The following ZNF678 variants were observed in gnomAD, a reference collection of about 807,000 sequenced individuals.
ZNF678 encodes hypothetical protein MGC42493.
In ZNF678, 5 loss-of-function variants were observed where a neutral mutation model predicts 3.0. The ratio of observed to expected loss-of-function variants is 1.69; its 90% CI spans 0.88 to 3.56. The LOEUF (loss-of-function observed/expected upper bound fraction) is 3.56. Ranked by LOEUF, ZNF678 falls within the 30% of genes most tolerant of loss-of-function variation. ZNF678 has a pLI of 0.00. For missense variants in ZNF678, 593 were observed against 605.0 expected (o/e 0.98, Z 0.21); for synonymous variants, 218 against 199.6 (o/e 1.09, Z -0.78).
chr1:227,595,275 C>G (rs1283783747), intron 1 of ZNF678, among the ~76,000 whole-genome samples: 1 of 151,552 alleles, frequency 6.6e-6, no homozygotes, highest in African/African-American at 2.4e-5. Context: ...CTCTGTCTCT[C>G]TCTCTCTCTC....
chr1:227,567,434 A>C (rs1045066750), intron 1 of ZNF678, among the ~76,000 whole-genome samples: 5 of 152,182 alleles, frequency 3.3e-5, no homozygotes, highest in African/African-American at 1.2e-4. Context: ...AGGTCATTGA[A>C]GGCCCGGTTC....
intron 1 of ZNF678, among the ~76,000 whole-genome samples, chr1:227,580,108 C>T (rs1000238808): frequency 6.6e-6 from 1 of 152,146 alleles, no homozygotes; most frequent in Non-Finnish European, 1.5e-5. Context: ...ACTTGTTCTC[C>T]TGGAGCTATT....
At chr1:227,577,068 A>G (rs1228491556) in intron 1 of ZNF678, among the ~76,000 whole-genome samples, 1 of 152,098 alleles carries the variant, frequency 6.6e-6, no homozygotes, top group African/African-American at 2.4e-5. Context: ...TGAATTTCTT[A>G]GTCTTGATTT....
intron 1 of ZNF678, among the ~76,000 whole-genome samples, chr1:227,640,356 G>A (rs1235213080): frequency 2.0e-5 from 3 of 151,958 alleles, no homozygotes; most frequent in Non-Finnish European, 4.4e-5. Context: ...GGGGGTTAAA[G>A]AAGATGGTTG....
chr1:227,567,412 G>A (rs1255439251), intron 1 of ZNF678, among the ~76,000 whole-genome samples: 2 of 152,186 alleles, frequency 1.3e-5, no homozygotes, highest in African/African-American at 2.4e-5. Context: ...CCAATCTTGA[G>A]CCTGCAAAAG....
In ZNF678 at chr1:227,671,396, AAC is replaced by A. The variant is rs570349140; in HGVS notation, c.227-5777_227-5776del. Among the ~76,000 whole-genome samples the A allele has an allele frequency of 6.8e-3, 1,031 of 152,286 alleles. 2 individuals carry two copies. Among genetic ancestry groups the A allele is most frequent in the Non-Finnish European group, 1.0e-2 (678 of 68,014 alleles). ...CTATTTGCAATTCTAGAGAAAAAAA[AAC>A]ACACATTTTCGTCAGACTTATCCAT... On this transcript the variant is annotated intron_variant, in intron 5 of 5. Transcript: ENST00000608949.
chr1:227,633,295 G>A (rs1658596511), intron 1 of ZNF678, among the ~76,000 whole-genome samples: 1 of 152,172 alleles, frequency 6.6e-6, no homozygotes, highest in Non-Finnish European at 1.5e-5. Flanking sequence ...ACCCAAAGTG[G>A]GTTGCCACTG....
At chr1:227,666,574 G>C (rs1365315549), downstream of ZNF678, among the ~76,000 whole-genome samples, 1 of 152,064 alleles carries the variant, frequency 6.6e-6, no homozygotes, top group Non-Finnish European at 1.5e-5. Flanking sequence ...ATTTTTCTAA[G>C]TTTCTTATGC....
chr1:227,629,816 A>G (rs148774182), intron 1 of ZNF678, among the ~76,000 whole-genome samples: 58 of 152,214 alleles, frequency 3.8e-4, no homozygotes, highest in African/African-American at 9.9e-4. Flanking sequence ...TATTCGGACA[A>G]TCTTTTTAAT....
intron 1 of ZNF678, among the ~76,000 whole-genome samples, chr1:227,645,930 A>G (rs894551498): frequency 6.6e-6 from 1 of 152,260 alleles, no homozygotes; most frequent in Non-Finnish European, 1.5e-5. Flanking sequence ...ACTGATGGGC[A>G]TAAACCATCA....
intron 5 of ZNF678, among the ~76,000 whole-genome samples, chr1:227,673,407 A>G (rs1268316873): frequency 1.3e-5 from 2 of 152,174 alleles, no homozygotes; most frequent in African/African-American, 4.8e-5. Flanking sequence ...CTTCCTTTGC[A>G]TTTATGGTTT....
At chr1:227,676,331 A>G (rs1343147356) in intron 5 of ZNF678, among the ~76,000 whole-genome samples, 1 of 152,212 alleles carries the variant, frequency 6.6e-6, no homozygotes, top group East Asian at 1.9e-4. Flanking sequence ...TAACAGTGTA[A>G]GACTACCAAA....
At chr1:227,676,585 A>G (rs953858749) in intron 5 of ZNF678, among the ~76,000 whole-genome samples, 4 of 151,828 alleles carry the variant, frequency 2.6e-5, no homozygotes, top group Admixed American at 6.6e-5. Context: ...GGTTTGTTGC[A>G]TATGTATACA....
intron 1 of ZNF678, among the ~76,000 whole-genome samples, chr1:227,565,379 G>T (rs1307762113): frequency 2.0e-5 from 3 of 152,040 alleles, no homozygotes; most frequent in Non-Finnish European, 4.4e-5. Flanking sequence ...TTTTTAAGAG[G>T]ATCTTGCTCT....
chr1:227,604,616 C>T (rs1041248253), intron 1 of ZNF678, among the ~76,000 whole-genome samples: 17 of 152,080 alleles, frequency 1.1e-4, no homozygotes, highest in Non-Finnish European at 2.9e-5. Context: ...CTCAAACTCC[C>T]GGGCTCAAGT....
chr1:227,571,759 A>G (rs552256989), intron 1 of ZNF678, among the ~76,000 whole-genome samples: 35 of 152,330 alleles, frequency 2.3e-4, no homozygotes, highest in Admixed American at 1.0e-3. Context: ...AAAGAAACAA[A>G]AAGCCGGGCG....
In ZNF678 at chr1:227,604,612, C is replaced by T. The variant is rs574712715; in HGVS notation, c.-164+40888C>T. On this transcript the variant is annotated intron_variant, in intron 1 of 3. Coordinates refer to ENST00000343776, the MANE Select transcript of ZNF678 (RefSeq NM_001367909.1). ...ACCATGTTGCACAGCTGATCTCAAA[C>T]TCCCGGGCTCAAGTGATCCACCCAC... Among the ~76,000 whole-genome samples the T allele has an allele frequency of 1.4e-4, 22 of 152,266 alleles. No individual in the cohort carries two copies. The South Asian group carries it at 4.6e-3, about 32-fold the overall frequency.
intron 1 of ZNF678, among the ~76,000 whole-genome samples, chr1:227,619,043 A>G (rs181561147): frequency 3.4e-4 from 52 of 152,252 alleles, no homozygotes; most frequent in Admixed American, 3.3e-3. Context: ...ATCAGATCTC[A>G]TGAGAACTCA....
In ZNF678 at chr1:227,646,533, C is replaced by T. The variant is rs79102686; in HGVS notation, c.-163-11C>T. The stretch of plus-strand genomic sequence containing the variant: ...ATTTTGTAAATACGTGTGTATTTTT[C>T]CCCCCCCCAGGGACTACTGGCATTC... On this transcript the variant is annotated splice_polypyrimidine_tract_variant and intron_variant, in intron 1 of 3. Transcript: ENST00000343776. The T allele has an allele frequency of 3.2e-4, 154 of 479,508 alleles. No individual in the cohort carries two copies. Among genetic ancestry groups the T allele is most frequent in the Admixed American group, 1.1e-3 (17 of 16,186 alleles). The allele number at this position is 479,508 out of a possible 1,614,324, so 29.7% of individuals were successfully genotyped here.
Sources: gnomAD v4.1 joint callset for allele counts (sites outside exome capture counted in the v4.1 genomes callset) on GRCh38, gnomAD v4.1.1 for gene constraint, MANE v1.5 for transcripts, NCBI Gene and HGNC (gene_info 2026-07-23, HGNC 2026-07-21) for gene names.